ZDHHC15: variants seen among roughly 807,000 people sequenced by gnomAD.
ZDHHC15 encodes palmitoyltransferase ZDHHC15.
A neutral mutation model predicts 31.7 loss-of-function variants in ZDHHC15; 19 were observed. The ratio of observed to expected loss-of-function variants is 0.60; its 90% CI spans 0.42 to 0.88. ZDHHC15 has a LOEUF of 0.88. Ranked by LOEUF, ZDHHC15 falls within the 40% of genes least tolerant of loss-of-function variation. The pLI, the probability that ZDHHC15 is intolerant of heterozygous loss-of-function variation, is 0.00. For synonymous variants in ZDHHC15, 103 were observed against 90.0 expected, an observed-to-expected ratio of 1.14 and a Z score of -0.82; for missense variants, 209 against 251.2, an observed-to-expected ratio of 0.83 and a Z score of 1.14.
chrX:75,489,123 C>T (rs2084827509), intron 2 of ZDHHC15, among the ~76,000 whole-genome samples: 1 of 112,038 alleles, frequency 8.9e-6, no homozygotes, highest in African/African-American at 3.2e-5. Flanking sequence ...CCCACCACAG[C>T]TCAAGGAGGC....
intron 4 of ZDHHC15, among the ~76,000 whole-genome samples, chrX:75,438,542 T>C (rs1374805343): frequency 9.0e-6 from 1 of 111,700 alleles, no homozygotes; most frequent in African/African-American, 3.3e-5. Flanking sequence ...ACCTTAAGTT[T>C]ATGTCAGTCC....
At chrX:75,405,980 C>A (rs1383267771) in intron 10 of ZDHHC15, among the ~76,000 whole-genome samples, 2 of 112,113 alleles carry the variant, frequency 1.8e-5, no homozygotes, top group Non-Finnish European at 3.8e-5. Flanking sequence ...TCTTGAGCTT[C>A]ATTTTCTGTC....
intron 7 of ZDHHC15, among the ~76,000 whole-genome samples, chrX:75,425,901 A>G (rs1483200157): frequency 9.0e-6 from 1 of 111,378 alleles, no homozygotes; most frequent in Admixed American, 9.6e-5. Context: ...ATACTGAAGG[A>G]TGAAGATAAG....
intron 3 of ZDHHC15, among the ~76,000 whole-genome samples, chrX:75,473,082 C>A (rs954299035): frequency 8.9e-6 from 1 of 112,157 alleles, no homozygotes; most frequent in African/African-American, 3.2e-5. Context: ...ATCCACACAG[C>A]ACTGCCTCTA....
chrX:75,510,532 T>A (rs1446488662), intron 1 of ZDHHC15, among the ~76,000 whole-genome samples: 4 of 57,871 alleles, frequency 6.9e-5, no homozygotes, highest in Non-Finnish European at 1.4e-4. Context: ...TCGGAAAATT[T>A]CTTTTTTTTT....
At chrX:75,424,629 C>T (rs1190707875) in intron 8 of ZDHHC15, 23 bp downstream of exon 8, 1 of 1,174,123 alleles carries the variant, frequency 8.5e-7, no homozygotes, top group Non-Finnish European at 1.1e-6. Context: ...ATGTTTTTTC[C>T]TAATCTTAAT....
At chrX:75,415,863 C>G (rs1159807537) in intron 10 of ZDHHC15, among the ~76,000 whole-genome samples, 2 of 112,378 alleles carry the variant, frequency 1.8e-5, no homozygotes, top group Non-Finnish European at 3.8e-5. Context: ...CAACACAAAG[C>G]TCAGCTATGA....
intron 10 of ZDHHC15, among the ~76,000 whole-genome samples, chrX:75,384,020 G>A (rs1029674349): frequency 2.3e-4 from 25 of 110,316 alleles, no homozygotes; most frequent in African/African-American, 8.2e-4. Flanking sequence ...GGGATTACAG[G>A]CGTGAACCAC....
At chrX:75,455,012 A>G (rs1471330714) in intron 3 of ZDHHC15, among the ~76,000 whole-genome samples, 4 of 111,450 alleles carry the variant, frequency 3.6e-5, no homozygotes, top group African/African-American at 1.3e-4. Context: ...AATTGGAAAA[A>G]ACTACTTTAA....
At chrX:75,481,103 A>AT (rs1414115709) in intron 2 of ZDHHC15, among the ~76,000 whole-genome samples, 9 of 109,182 alleles carry the variant, frequency 8.2e-5, no homozygotes, top group Admixed American at 2.9e-4. Context: ...ATGCCTTTAA[A>AT]TTTTTTTTTA....
chrX:75,518,804 T>TAC (rs2085403194), intron 1 of ZDHHC15, among the ~76,000 whole-genome samples: 8 of 23,751 alleles, frequency 3.4e-4, no homozygotes, highest in Non-Finnish European at 4.5e-4. Flanking sequence ...TATATATATA[T>TAC]ATACACACAC....
chrX:75,396,034 T>A (rs2083295681), intron 10 of ZDHHC15, among the ~76,000 whole-genome samples: 1 of 112,014 alleles, frequency 8.9e-6, no homozygotes, highest in Non-Finnish European at 1.9e-5. Flanking sequence ...CCTCAAAATA[T>A]GAAACTATGA....
At chrX:75,446,448 G>T (rs1046124550) in intron 4 of ZDHHC15, among the ~76,000 whole-genome samples, 2 of 111,956 alleles carry the variant, frequency 1.8e-5, no homozygotes, top group African/African-American at 6.5e-5. Flanking sequence ...CACTAACACT[G>T]TGAGAAATAC....
At chrX:75,441,161 C>T (rs2083934749) in intron 4 of ZDHHC15, among the ~76,000 whole-genome samples, 1 of 112,205 alleles carries the variant, frequency 8.9e-6, no homozygotes, top group Admixed American at 9.4e-5. Flanking sequence ...AGCTTCTGTG[C>T]TCGTATCTAT....
chrX:75,408,771 C>G (rs748700323), intron 10 of ZDHHC15, among the ~76,000 whole-genome samples: 3 of 112,184 alleles, frequency 2.7e-5, no homozygotes, highest in Non-Finnish European at 3.8e-5. Context: ...AATCAACCTA[C>G]GAAAATCAGT....
At chrX:75,457,978 C>T (rs1305647647) in intron 3 of ZDHHC15, among the ~76,000 whole-genome samples, 2 of 110,659 alleles carry the variant, frequency 1.8e-5, no homozygotes, top group Admixed American at 9.8e-5. Flanking sequence ...GAAATCAATC[C>T]CCTGTGGGTA....
intron 7 of ZDHHC15, among the ~76,000 whole-genome samples, chrX:75,425,785 G>A (rs762882003): frequency 2.1e-4 from 23 of 111,702 alleles, no homozygotes; most frequent in Non-Finnish European, 2.3e-4. Context: ...GAAAGTTAAG[G>A]CTTGGCAACA....
chrX:75,454,508 C>T (rs943842230), intron 3 of ZDHHC15, among the ~76,000 whole-genome samples: 8 of 111,828 alleles, frequency 7.2e-5, no homozygotes, highest in Non-Finnish European at 5.6e-5. Flanking sequence ...GGAATTGCCA[C>T]ACTGTCTTCC....
chrX:75,443,238 C>G (rs1235266975), intron 4 of ZDHHC15, among the ~76,000 whole-genome samples: 1 of 110,219 alleles, frequency 9.1e-6, no homozygotes, highest in Non-Finnish European at 1.9e-5. Context: ...GTAACCAAAA[C>G]AGCATGCTAC....
Sources: gnomAD v4.1 joint callset for allele counts (sites outside exome capture counted in the v4.1 genomes callset) on GRCh38, gnomAD v4.1.1 for gene constraint, MANE v1.5 for transcripts, NCBI Gene and HGNC (gene_info 2026-07-23, HGNC 2026-07-21) for gene names.